COPB1: variants seen among roughly 807,000 people sequenced by gnomAD.
COPB1 encodes coatomer subunit beta.
A neutral mutation model predicts 108.7 loss-of-function variants in COPB1; 21 were observed. The ratio of observed to expected loss-of-function variants is 0.19; its 90% CI spans 0.14 to 0.28. The LOEUF (loss-of-function observed/expected upper bound fraction) is 0.28. COPB1 is among the 10% of genes least tolerant of loss of function. The pLI is 1.00. For missense variants in COPB1, 919 were observed against 1,141.3 expected (o/e 0.81, Z 2.81); for synonymous variants, 378 against 386.8 (o/e 0.98, Z 0.27).
At chr11:14,493,927 G>A (rs958400122) in intron 3 of COPB1, 116 bp from the exon 4 acceptor site, 50 of 932,584 alleles carry the variant, frequency 5.4e-5, no homozygotes, top group Admixed American at 4.0e-4. Flanking sequence ...CTAGATTACC[G>A]ACAATTTCCA....
At position 14,479,553 on chromosome 11, in the gene COPB1, T is replaced by C. The variant is rs779409475; in HGVS notation, c.1358+16A>G. On this transcript the variant is annotated intron_variant, in intron 11 of 21. Coordinates refer to ENST00000439561, the MANE Select transcript of COPB1 (RefSeq NM_001144061.2). Reference sequence around the variant, plus strand: ...ATGCTTACTTGACCTTACATTTAAATGTATTTTAAACCTACTTGACAGATT... The same window carrying C: ...ATGCTTACTTGACCTTACATTTAAACGTATTTTAAACCTACTTGACAGATT... 1.0e-5 allele frequency: 16 copies of C among 1,585,202 alleles called. No individual in the cohort carries two copies. The highest frequency in any genetic ancestry group is 1.4e-5 in the Non-Finnish European group (16 of 1,167,522).
rs1850475911 is a variant in COPB1 at position 14,474,553 on chromosome 11, G to C, written c.1679C>G (p.Thr560Ser). The change falls in exon 14 of 22, where the codon ACT becomes AGT. Residue 560 changes from threonine (T) to serine (S), a missense_variant. Transcript: ENST00000439561. ...DFFVAASLAT[T>S]LTKIALRYVA... ...ATAGCGCAATGCAATCTTGGTCAGA[G>C]TTGTGGCAAGGGAGGCAGCAACAAA... 9.3e-6 allele frequency: 15 copies of C among 1,613,980 alleles called. No individual in the cohort carries two copies. In the East Asian group the frequency reaches 3.3e-4, roughly 36 times the overall value.
intron 4 of COPB1, among the ~76,000 whole-genome samples, chr11:14,492,808 AG>A (rs1475599643): frequency 6.6e-6 from 1 of 152,218 alleles, no homozygotes; most frequent in East Asian, 1.9e-4. Flanking sequence ...GTAAAAACTG[AG>A]CATTCTAGCT....
At chr11:14,498,746 G>C in intron 2 of COPB1, 92 bp downstream of exon 2, 1 of 993,208 alleles carries the variant, frequency 1.0e-6, no homozygotes, top group Non-Finnish European at 1.4e-6. Context: ...CAAAAATTAA[G>C]CATTTCTAAT....
chr11:14,461,832 T>C (rs1383300356), intron 18 of COPB1, among the ~76,000 whole-genome samples: 1 of 152,192 alleles, frequency 6.6e-6, no homozygotes, highest in East Asian at 1.9e-4. Context: ...TAATGGGGAA[T>C]TGCTTCCAGG....
At chr11:14,487,459 G>A (rs972410381) in intron 6 of COPB1, among the ~76,000 whole-genome samples, 1 of 152,012 alleles carries the variant, frequency 6.6e-6, no homozygotes, top group Non-Finnish European at 1.5e-5. Flanking sequence ...GGCAGATCAC[G>A]AGGTCAGGAG....
intron 14 of COPB1, among the ~76,000 whole-genome samples, chr11:14,470,734 A>G (rs1850379850): frequency 6.6e-6 from 1 of 152,140 alleles, no homozygotes; most frequent in African/African-American, 2.4e-5. Flanking sequence ...AAATCCGAGG[A>G]AATGACTGAA....
chr11:14,499,603 C>G (rs1259312109), intron 1 of COPB1, 104 bp downstream of exon 1: 1 of 148,292 alleles, frequency 6.7e-6, no homozygotes, highest in Non-Finnish European at 1.5e-5. Context: ...CCACCCGTAC[C>G]CCCACCCGGT....
intron 6 of COPB1, 152 bp downstream of exon 6, chr11:14,488,340 G>A (rs1167272110): frequency 1.5e-5 from 6 of 390,966 alleles, no homozygotes; most frequent in Non-Finnish European, 2.2e-5. Context: ...TAAACCAAAA[G>A]TAAAAGAAAC....
Position 14,498,829 on chromosome 11 carries a change from G to C in COPB1, c.91+9C>G. Reference sequence around the variant, plus strand: ...TTCATTTCATTCTCAAAATAATATCGAAGTTTACCTAGATCATTTTTTAAG... The same window carrying C: ...TTCATTTCATTCTCAAAATAATATCCAAGTTTACCTAGATCATTTTTTAAG... On this transcript the variant is annotated intron_variant, in intron 2 of 21. Transcript: ENST00000439561. The C allele has an allele frequency of 6.5e-7, 1 of 1,546,038 alleles. No individual in the cohort carries two copies. The highest frequency in any genetic ancestry group is 8.7e-7 in the Non-Finnish European group (1 of 1,146,954).
At chr11:14,462,935 C>T (rs903388348) in intron 18 of COPB1, among the ~76,000 whole-genome samples, 1 of 152,082 alleles carries the variant, frequency 6.6e-6, no homozygotes, top group African/African-American at 2.4e-5. Flanking sequence ...AAGCCAAGAT[C>T]CTACACTCAG....
intron 20 of COPB1, among the ~76,000 whole-genome samples, chr11:14,459,656 C>T (rs897209814): frequency 1.3e-5 from 2 of 152,262 alleles, no homozygotes; most frequent in South Asian, 2.1e-4. Flanking sequence ...CACTCTGTCA[C>T]CCACGCTGGA....
chr11:14,468,905 A>AC (rs769514450), intron 15 of COPB1, 45 bp from the exon 16 acceptor site: 2 of 1,522,246 alleles, frequency 1.3e-6, no homozygotes, highest in Admixed American at 3.7e-5. Flanking sequence ...ATGAAAAGAT[A>AC]GTTTTTTAGA....
In COPB1 at chr11:14,461,276, A is replaced by G. The variant is rs536439177; in HGVS notation, c.2466T>C (p.Ile822=). The G allele has an allele frequency of 2.2e-5, 36 of 1,614,192 alleles. No individual in the cohort carries two copies. In the African/African-American group the frequency reaches 3.2e-4, roughly 14 times the overall value. ...GGATATAGTCCATGATGTCGATGTGAATATCACTGAGAACCACACAATTTC... is the reference window on the plus strand; with the variant it reads ...GGATATAGTCCATGATGTCGATGTGGATATCACTGAGAACCACACAATTTC... ...SDRNCVVLSD[I]HIDIMDYIQP... is the part of the protein sequence containing the mutation. Residue 822 remains isoleucine (I), a synonymous_variant, in exon 19 of 22, where the codon ATT becomes ATC. Transcript: ENST00000439561.
intron 5 of COPB1, 24 bp downstream of exon 5, chr11:14,490,541 A>G: frequency 2.3e-6 from 3 of 1,282,780 alleles, no homozygotes; most frequent in Non-Finnish European, 3.4e-6. Context: ...CAGTAATAAG[A>G]GTATTTTTTA....
intron 14 of COPB1, 139 bp downstream of exon 14, chr11:14,474,356 T>G (rs1206686096): frequency 1.5e-6 from 1 of 664,060 alleles, no homozygotes; most frequent in African/African-American, 1.8e-5. Context: ...AATATATTAC[T>G]GTGTCCACTT....
intron 2 of COPB1, among the ~76,000 whole-genome samples, chr11:14,496,130 A>G (rs1851011946): frequency 6.6e-6 from 1 of 152,232 alleles, no homozygotes; most frequent in African/African-American, 2.4e-5. Flanking sequence ...CTATCTTCTA[A>G]AAGATCCTTT....
In COPB1 at chr11:14,475,941, G is replaced by A. The variant is rs1850511096; in HGVS notation, c.1460C>T (p.Pro487Leu). ...TTTCTTTATTTCTGACTCTACAATT[G>A]GGATCTAAAAGTCAATTGGAAACAT... ...TEIRRSLGEIPIVESEIKKEA... is the reference protein window; with the variant it reads ...TEIRRSLGEILIVESEIKKEA... The change falls in exon 13 of 22, where the codon CCA (proline) becomes CTA (leucine). Residue 487 changes from proline (P) to leucine (L), a missense_variant. Pro to Leu is a moderately conservative substitution (Grantham distance 98). Coordinates refer to ENST00000439561, the MANE Select transcript of COPB1 (RefSeq NM_001144061.2). 1 of 1,594,256 alleles carries A rather than the reference G, an allele frequency of 6.3e-7. No homozygotes were observed. Among genetic ancestry groups the A allele is most frequent in the Non-Finnish European group, 8.5e-7 (1 of 1,172,842 alleles).
At chr11:14,484,736 A>C (rs1850734317) in intron 7 of COPB1, among the ~76,000 whole-genome samples, 1 of 152,142 alleles carries the variant, frequency 6.6e-6, no homozygotes, top group Non-Finnish European at 1.5e-5. Context: ...AAAACAAAAC[A>C]AAAAAACAAC....
Sources: gnomAD v4.1 joint callset for allele counts (sites outside exome capture counted in the v4.1 genomes callset) on GRCh38, gnomAD v4.1.1 for gene constraint, MANE v1.5 for transcripts, NCBI Gene and HGNC (gene_info 2026-07-23, HGNC 2026-07-21) for gene names.